Variants in SHANK1 observed in about 807,000 individuals in gnomAD.
SHANK1 encodes the protein SH3 and multiple ankyrin repeat domains protein 1.
Under a neutral mutation model 165.6 loss-of-function variants are expected in SHANK1, and 35 were observed. The ratio of observed to expected loss-of-function variants is 0.21; its 90% CI spans 0.16 to 0.28. The LOEUF (loss-of-function observed/expected upper bound fraction) is 0.28. Among genes scored for constraint, SHANK1 ranks in the 10% least tolerant of loss-of-function variants. The probability of loss-of-function intolerance (pLI) is 1.00; values close to 1 mark genes in which losing one functional copy is unlikely to be tolerated. For synonymous variants in SHANK1, 1,428 were observed against 1,384.8 expected (o/e 1.03, Z -0.69); for missense variants, 2,681 against 3,036.4 (o/e 0.88, Z 2.75).
At chr19:50,680,600 T>C (rs537261678) in intron 21 of SHANK1, among the ~76,000 whole-genome samples, 1 of 151,696 alleles carries the variant, frequency 6.6e-6, no homozygotes, top group Non-Finnish European at 1.5e-5. Flanking sequence ...TATGCAAAAG[T>C]GCATCTTTGG....
rs938164573 is a variant in SHANK1 at position 50,687,583 on chromosome 19, C to T, written c.2388G>A (p.Met796Ile). 84 of 1,547,782 alleles carry T rather than the reference C, an allele frequency of 5.4e-5. No individual in the cohort carries two copies. Among genetic ancestry groups the T allele is most frequent in the Non-Finnish European group, 6.7e-5 (77 of 1,145,472 alleles). ...SKSMTSELEE[M>I]EYEQQPAPVP... ...GCCTCAGCAGCCCCGCAGGCTCACC[C>T]ATCTCCTCCAGCTCTGAGGTCATAG... Residue 796 changes from methionine (M) to isoleucine (I), a missense_variant and splice_region_variant, in exon 19 of 24, where the codon ATG becomes ATA. By Grantham distance (10) the Met-to-Ile change is conservative. Coordinates refer to ENST00000293441, the MANE Select transcript of SHANK1 (RefSeq NM_016148.5).
Position 50,686,860 on chromosome 19 carries a change from G to T in SHANK1, c.2390-48C>A, listed in dbSNP as rs763762566. On this transcript the variant is annotated intron_variant, in intron 19 of 23. Transcript: ENST00000293441. The surrounding 1 kb of genome is among the most constrained non-coding windows in gnomAD (Gnocchi z 5.7). ...ACGCCCAGGGAGCCCCCGGGGGCGG[G>T]GCGGAGCGGGCTCGGCCTGTGGGCG... is the stretch of plus-strand genomic sequence containing the variant. The T allele has an allele frequency of 1.2e-6, 2 of 1,607,346 alleles. No individual in the cohort carries two copies. The highest frequency in any genetic ancestry group is 4.5e-5 in the East Asian group (2 of 44,660).
chr19:50,671,747 G>T (rs988612168), intron 22 of SHANK1, among the ~76,000 whole-genome samples: 7 of 152,054 alleles, frequency 4.6e-5, no homozygotes, highest in Non-Finnish European at 1.0e-4. Context: ...CTGTAGCGGG[G>T]GCTTTAGCTC....
chr19:50,662,263 C>G lies in SHANK1; in HGVS notation c.6188G>C (p.Gly2063Ala), dbSNP rs1211433348. Residue 2063 changes from glycine (G) to alanine (A), a missense_variant, in exon 24 of 24, where the codon GGG becomes GCG. Transcript: ENST00000293441. This position sits in a 1 kb window ranked among gnomAD's most constrained non-coding sequence, Gnocchi z 7.7. ...VFVPPHPGIS[G>A]GLGGALSGAS... is the part of the protein sequence containing the mutation. Reference sequence around the variant, plus strand: ...CCCTGACAAGGCTCCCCCGAGCCCCCCGGATATCCCCGGGTGTGGCGGCAC... The same window carrying G: ...CCCTGACAAGGCTCCCCCGAGCCCCGCGGATATCCCCGGGTGTGGCGGCAC... 7 of 1,611,068 alleles carry G rather than the reference C, an allele frequency of 4.3e-6. No individual in the cohort carries two copies. Among genetic ancestry groups the G allele is most frequent in the South Asian group, 2.2e-5 (2 of 90,880 alleles).
chr19:50,663,171 T>G, intron 23 of SHANK1: 1 of 175,670 alleles, frequency 5.7e-6, no homozygotes, highest in Admixed American at 5.4e-5. Flanking sequence ...TATTCTATAC[T>G]GCCTTTCAGG....
At chr19:50,699,784 G>A (rs1456854558) in intron 12 of SHANK1, among the ~76,000 whole-genome samples, 4 of 151,830 alleles carry the variant, frequency 2.6e-5, no homozygotes, top group Non-Finnish European at 4.4e-5. Flanking sequence ...TTGGGGGAAT[G>A]GAGGGCTTGG....
intron 22 of SHANK1, among the ~76,000 whole-genome samples, chr19:50,669,529 A>G (rs4802723): frequency 0.3 from 45,923 of 151,984 alleles, 7,940 homozygotes; most frequent in African/African-American, 0.47. Context: ...GAAATTCAGC[A>G]GAACTTCCTC....
Position 50,716,809 on chromosome 19 carries a change from G to A in SHANK1, c.111C>T (p.Pro37=), listed in dbSNP as rs1204094300. The A allele has an allele frequency of 6.3e-7, 1 of 1,588,268 alleles. No individual in the cohort carries two copies. The highest frequency in any genetic ancestry group is 8.5e-7 in the Non-Finnish European group (1 of 1,169,888). ...DSSPDGPGRG[P]RGTRGQGSGA... Reference sequence around the variant, plus strand: ...CACTGCCCTGGCCCCGGGTCCCCCGGGGGCCTCGACCTGGCCCGTCTGGGG... The same window carrying A: ...CACTGCCCTGGCCCCGGGTCCCCCGAGGGCCTCGACCTGGCCCGTCTGGGG... Residue 37 remains proline, a synonymous_variant, in exon 2 of 24, where the codon CCC becomes CCT. Transcript: ENST00000293441. This position sits in a 1 kb window ranked among gnomAD's most constrained non-coding sequence, Gnocchi z 8.4.
In SHANK1 at chr19:50,716,649, G is replaced by A. The variant is rs555430549; in HGVS notation, c.255+16C>T. Reference sequence around the variant, plus strand: ...ACTGTCCCTCTCCTGCCGCTGGCCAGTGGGCAGGTACTCACTGTCTGGTGC... The same window carrying A: ...ACTGTCCCTCTCCTGCCGCTGGCCAATGGGCAGGTACTCACTGTCTGGTGC... On this transcript the variant is annotated intron_variant, in intron 2 of 23. Transcript: ENST00000293441. This position sits in a 1 kb window ranked among gnomAD's most constrained non-coding sequence, Gnocchi z 8.4. 4 of 1,555,012 alleles carry A rather than the reference G, an allele frequency of 2.6e-6. No individual in the cohort carries two copies. In the South Asian group the frequency reaches 3.7e-5, roughly 14 times the overall value.
chr19:50,700,524 A>G (rs1040132844), intron 12 of SHANK1, among the ~76,000 whole-genome samples: 1 of 151,982 alleles, frequency 6.6e-6, no homozygotes, highest in Non-Finnish European at 1.5e-5. Flanking sequence ...AGGTGGGCAG[A>G]GAGGCAGCTT....
At position 50,662,207 on chromosome 19, in the gene SHANK1, G is replaced by C; in HGVS notation, c.6244C>G (p.Leu2082Val). ...ASRSLSPTRL[L>V]SLPPDKPFGA... Reference sequence around the variant, plus strand: ...AACGGCTTGTCCGGGGGCAGCGAGAGCAGGCGGGTCGGTGAGAGGGAGCGC... The same window carrying C: ...AACGGCTTGTCCGGGGGCAGCGAGACCAGGCGGGTCGGTGAGAGGGAGCGC... The change falls in exon 24 of 24, where the codon CTC becomes GTC. Residue 2082 changes from leucine (L) to valine (V), a missense_variant. Physicochemically the swap from Leu to Val is conservative, Grantham distance 32 (BLOSUM62 1). Transcript: ENST00000293441. The surrounding 1 kb of genome is among the most constrained non-coding windows in gnomAD (Gnocchi z 7.7). The C allele has an allele frequency of 3.1e-6, 5 of 1,609,702 alleles. No individual in the cohort carries two copies. Among genetic ancestry groups the C allele is most frequent in the African/African-American group, 2.7e-5 (2 of 74,876 alleles).
chr19:50,695,656 G>A (rs1270324360), intron 15 of SHANK1, among the ~76,000 whole-genome samples: 1 of 152,164 alleles, frequency 6.6e-6, no homozygotes, highest in Middle Eastern at 3.4e-3. Context: ...CCGCTTCCCC[G>A]GCAGGGACAC....
At chr19:50,677,069 A>G (rs1986007120) in intron 21 of SHANK1, among the ~76,000 whole-genome samples, 1 of 151,584 alleles carries the variant, frequency 6.6e-6, no homozygotes, top group African/African-American at 2.4e-5. Flanking sequence ...ATTGAGAAGG[A>G]TTCTGGGTCT....
Position 50,686,320 on chromosome 19 carries a change from T to C in SHANK1, c.2494A>G (p.Thr832Ala), listed in dbSNP as rs1986333209. 1 of 1,604,302 alleles carries C rather than the reference T, an allele frequency of 6.2e-7. No individual in the cohort carries two copies. The highest frequency in any genetic ancestry group is 8.5e-7 in the Non-Finnish European group (1 of 1,175,036). The change falls in exon 21 of 24, where the codon ACC becomes GCC. Residue 832 changes from threonine (T) to alanine (A), a missense_variant. This residue lies in a region of SHANK1 where 206 missense variants were observed against 216.0 expected (regional missense o/e 0.95). Transcript: ENST00000293441. This position sits in a 1 kb window ranked among gnomAD's most constrained non-coding sequence, Gnocchi z 5.7. Reference protein sequence around the residue: ...LDEILAAAQQTISASESPGPG... With the variant: ...LDEILAAAQQAISASESPGPG... ...CCAGGGCTTTCGCTTGCACTGATGG[T>C]CTGTTGAGCTGCGGCCAGGATTTCG...
At chr19:50,676,059 T>G (rs1985968834) in intron 21 of SHANK1, among the ~76,000 whole-genome samples, 1 of 151,862 alleles carries the variant, frequency 6.6e-6, no homozygotes. Context: ...ATCTCAGCAC[T>G]CTGGGAGGTG....
In SHANK1 at chr19:50,666,787, G is replaced by T; in HGVS notation, c.5173C>A (p.Leu1725Met). ...TCCAGGTAGGCCACATAGGTGTCCA[G>T]AAGCTCCGGCCCACTGGCCACACCG... ...GAGVASGPEL[L>M]DTYVAYLDGQ... The change falls in exon 23 of 24, where the codon CTG becomes ATG. Residue 1725 changes from leucine to methionine, a missense_variant. Transcript: ENST00000293441. 6.4e-7 allele frequency: 1 copy of T among 1,551,438 alleles called. No homozygotes were observed. Among genetic ancestry groups the T allele is most frequent in the Non-Finnish European group, 8.7e-7 (1 of 1,148,490 alleles).
At chr19:50,689,357 A>C (rs1185623844) in intron 15 of SHANK1, 78 bp from the exon 16 acceptor site, 2 of 1,054,676 alleles carry the variant, frequency 1.9e-6, no homozygotes, top group East Asian at 2.4e-5. Context: ...GCTGTCCCCC[A>C]CCCGGCAACC....
intron 8 of SHANK1, chr19:50,711,044 T>C: frequency 4.2e-6 from 1 of 238,572 alleles, no homozygotes; most frequent in East Asian, 1.0e-4. Context: ...GGGATCTGGA[T>C]TCCCTGTGAC....
At chr19:50,693,443 C>T (rs1986607527) in intron 15 of SHANK1, among the ~76,000 whole-genome samples, 1 of 151,746 alleles carries the variant, frequency 6.6e-6, no homozygotes, top group Non-Finnish European at 1.5e-5. Flanking sequence ...GACTACCTGC[C>T]CTGCAGGAGC....
Sources: allele counts gnomAD v4.1 joint callset (sites outside exome capture counted in the v4.1 genomes callset), GRCh38; gene constraint gnomAD v4.1.1; regional missense constraint gnomAD v4.1.1; non-coding constraint Gnocchi (gnomAD v3.1); transcripts MANE v1.5; gene names NCBI Gene and HGNC (gene_info 2026-07-23, HGNC 2026-07-21).